INPP4B: variants seen among roughly 807,000 people sequenced by gnomAD.
The protein encoded by INPP4B is inositol polyphosphate-4-phosphatase type II B, also known as inositol polyphosphate 4-phosphatase type II.
INPP4B carries 55 observed loss-of-function variants against 122.5 expected under a neutral mutation model. The ratio of observed to expected loss-of-function variants is 0.45; its 90% CI spans 0.36 to 0.56. The LOEUF is 0.56. Among genes scored for constraint, INPP4B ranks in the 20% least tolerant of loss-of-function variants. The pLI, the probability that INPP4B is intolerant of heterozygous loss-of-function variation, is 0.00. For missense variants in INPP4B, 1,000 were observed against 1,097.7 expected, an observed-to-expected ratio of 0.91 and a Z score of 1.26; for synonymous variants, 403 against 388.7, an observed-to-expected ratio of 1.04 and a Z score of -0.43.
At chr4:142,208,858 C>A in intron 13 of INPP4B, 38 bp downstream of exon 13, 3 of 1,412,988 alleles carry the variant, frequency 2.1e-6, no homozygotes, top group Admixed American at 2.3e-5. Context: ...GCAGGAAATG[C>A]AATTCACTTT....
At chr4:142,495,755 A>C (rs1822471229) in intron 2 of INPP4B, among the ~76,000 whole-genome samples, 1 of 152,180 alleles carries the variant, frequency 6.6e-6, no homozygotes, top group Non-Finnish European at 1.5e-5. Context: ...TTGCTTTAGC[A>C]CTTTAGTTTC....
At chr4:142,676,788 AT>A (rs1002115176) in intron 2 of INPP4B, among the ~76,000 whole-genome samples, 1 of 152,182 alleles carries the variant, frequency 6.6e-6, no homozygotes, top group African/African-American at 2.4e-5. Flanking sequence ...GGCTAGCCAT[AT>A]GCAGAAAACT....
chr4:142,327,090 A>T (rs533436281), intron 7 of INPP4B, among the ~76,000 whole-genome samples: 3 of 152,280 alleles, frequency 2.0e-5, no homozygotes, highest in South Asian at 2.1e-4. Context: ...GAATAGAAAC[A>T]GACACAATTT....
At chr4:142,549,144 T>C (rs2150068890) in intron 2 of INPP4B, among the ~76,000 whole-genome samples, 1 of 152,240 alleles carries the variant, frequency 6.6e-6, no homozygotes, top group South Asian at 2.1e-4. Context: ...CAGAGTCCTT[T>C]CACTTAACCC....
intron 22 of INPP4B, among the ~76,000 whole-genome samples, chr4:142,109,533 C>G (rs565927432): frequency 4.5e-4 from 69 of 152,084 alleles, no homozygotes; most frequent in Non-Finnish European, 9.7e-4. Flanking sequence ...TGTAGTTACA[C>G]TCTCCTCCCT....
chr4:142,029,105 C>T, intron 25 of INPP4B, 191 bp from the exon 26 acceptor site: 2 of 1,308,012 alleles, frequency 1.5e-6, no homozygotes, highest in East Asian at 5.7e-5. Context: ...CCATTATTGC[C>T]CTCTGAAAGA....
At chr4:142,493,220 A>G (rs1822101887) in intron 2 of INPP4B, among the ~76,000 whole-genome samples, 1 of 152,228 alleles carries the variant, frequency 6.6e-6, no homozygotes, top group South Asian at 2.1e-4. Flanking sequence ...AGTCTGCTGC[A>G]GGGGTGGAAC....
chr4:142,458,199 C>A (rs1815896277), intron 3 of INPP4B, among the ~76,000 whole-genome samples: 1 of 152,076 alleles, frequency 6.6e-6, no homozygotes, highest in Non-Finnish European at 1.5e-5. Flanking sequence ...AGGCTGTGTA[C>A]TGTATAATTC....
intron 7 of INPP4B, among the ~76,000 whole-genome samples, chr4:142,321,893 T>C (rs750586173): frequency 6.6e-6 from 1 of 152,232 alleles, no homozygotes; most frequent in Non-Finnish European, 1.5e-5. Context: ...TTTGTTCTAA[T>C]GAAATTTTGG....
chr4:142,710,300 T>C (rs960481237), intron 2 of INPP4B, among the ~76,000 whole-genome samples: 2 of 152,204 alleles, frequency 1.3e-5, no homozygotes, highest in African/African-American at 4.8e-5. Flanking sequence ...GATTATTCAT[T>C]GAAGGGTAAA....
chr4:142,387,421 G>C (rs1487055827), intron 7 of INPP4B, among the ~76,000 whole-genome samples: 1 of 150,692 alleles, frequency 6.6e-6, no homozygotes, highest in Non-Finnish European at 1.5e-5. Flanking sequence ...GTAAAATCTT[G>C]CTAAAGATAA....
At chr4:142,638,525 T>A (rs1048381521) in intron 2 of INPP4B, among the ~76,000 whole-genome samples, 1 of 150,258 alleles carries the variant, frequency 6.7e-6, no homozygotes, top group Non-Finnish European at 1.5e-5. Context: ...TACTGTTCCA[T>A]TGATTTTAGT....
At chr4:142,205,672 A>C (rs910322893) in intron 14 of INPP4B, among the ~76,000 whole-genome samples, 5 of 152,174 alleles carry the variant, frequency 3.3e-5, no homozygotes, top group Non-Finnish European at 7.4e-5. Flanking sequence ...ATTAAATAGC[A>C]GACTCAGCTC....
chr4:142,784,907 C>G (rs1013675162), intron 1 of INPP4B, among the ~76,000 whole-genome samples: 1 of 151,830 alleles, frequency 6.6e-6, no homozygotes, highest in African/African-American at 2.4e-5. Flanking sequence ...TCACTTACAG[C>G]GATAACAAAA....
chr4:142,119,996 C>T (rs1358872864), intron 21 of INPP4B, among the ~76,000 whole-genome samples: 1 of 151,660 alleles, frequency 6.6e-6, no homozygotes, highest in African/African-American at 2.4e-5. Flanking sequence ...TTAGCTCTTA[C>T]ATTTAGATCT....
chr4:142,162,732 A>C (rs1330716457), intron 16 of INPP4B, among the ~76,000 whole-genome samples: 1 of 151,934 alleles, frequency 6.6e-6, no homozygotes, highest in Non-Finnish European at 1.5e-5. Context: ...ATTTGAGTTG[A>C]TTTACCACCA....
intron 1 of INPP4B, among the ~76,000 whole-genome samples, chr4:142,732,869 C>T (rs932197963): frequency 6.6e-6 from 1 of 151,648 alleles, no homozygotes; most frequent in African/African-American, 2.4e-5. Flanking sequence ...CCAAGATTAG[C>T]CAAGGAAGAC....
chr4:142,276,031 A>G (rs1413620675), intron 9 of INPP4B, among the ~76,000 whole-genome samples: 2 of 151,784 alleles, frequency 1.3e-5, no homozygotes, highest in Non-Finnish European at 2.9e-5. Context: ...TCCAAAAACC[A>G]AAACCAAAAA....
Position 142,610,252 on chromosome 4 carries a change from G to A in INPP4B, c.-191+115587C>T, listed in dbSNP as rs144835332. Reference sequence around the variant, plus strand: ...CCTCTTGCCTGCCACCATGTAAGACGTGCCTTTGCTTATCCTTTGCCTTCC... The same window carrying A: ...CCTCTTGCCTGCCACCATGTAAGACATGCCTTTGCTTATCCTTTGCCTTCC... On this transcript the variant is annotated intron_variant, in intron 2 of 25. Transcript: ENST00000262992. 3.0e-3 allele frequency among the ~76,000 whole-genome samples: 453 copies of A among 152,216 alleles called. 5 individuals are homozygous for A. Among genetic ancestry groups the A allele is most frequent in the East Asian group, 0.018 (93 of 5,170 alleles).
Sources: gnomAD v4.1 joint callset for allele counts (sites outside exome capture counted in the v4.1 genomes callset) on GRCh38, gnomAD v4.1.1 for gene constraint, MANE v1.5 for transcripts, NCBI Gene and HGNC (gene_info 2026-07-23, HGNC 2026-07-21) for gene names.